Variants in AGBL4 observed in about 807,000 individuals in gnomAD.
AGBL4 encodes AGBL carboxypeptidase 4.
AGBL4 carries 58 observed loss-of-function variants against 66.4 expected under a neutral mutation model. That is an observed-to-expected ratio of 0.87 (90% CI 0.71 to 1.09). AGBL4 has a LOEUF of 1.09. AGBL4 is among the 50% of genes least tolerant of loss of function. AGBL4 has a pLI of 0.00. For missense variants in AGBL4, 579 were observed against 631.0 expected, an observed-to-expected ratio of 0.92 and a Z score of 0.88; for synonymous variants, 234 against 222.9, an observed-to-expected ratio of 1.05 and a Z score of -0.44.
intron 3 of AGBL4, among the ~76,000 whole-genome samples, chr1:49,601,313 G>A (rs1045290853): frequency 6.6e-6 from 1 of 151,706 alleles, no homozygotes; most frequent in African/African-American, 2.4e-5. Flanking sequence ...TTTCTTGGAG[G>A]CTTTGTTCAT....
At chr1:48,937,123 C>T (rs925557595) in intron 5 of AGBL4, among the ~76,000 whole-genome samples, 3 of 152,192 alleles carry the variant, frequency 2.0e-5, no homozygotes, top group African/African-American at 7.2e-5. Context: ...AGACATAGTA[C>T]TTGAATCTAA....
intron 8 of AGBL4, among the ~76,000 whole-genome samples, chr1:48,641,902 A>T (rs1645762117): frequency 6.6e-6 from 1 of 152,114 alleles, no homozygotes; most frequent in Admixed American, 6.5e-5. Context: ...TAGATGCAAT[A>T]TCTTTATTTT....
At position 49,987,821 on chromosome 1, in the gene AGBL4, T is replaced by C. The variant is rs12037890; in HGVS notation, c.34+35942A>G. Among the ~76,000 whole-genome samples, 1,235 of 152,106 alleles carry C rather than the reference T, an allele frequency of 8.1e-3. 9 individuals carry two copies. The highest frequency in any genetic ancestry group is 0.031 in the Middle Eastern group (9 of 294). On this transcript the variant is annotated intron_variant, in intron 1 of 13. Transcript: ENST00000371839. ...ATTGTGTTTACTGTACTAAGTACTT[T>C]GCAACTATTAACTCACTTAATTGTT...
At chr1:49,302,229 T>C (rs1644757917) in intron 3 of AGBL4, among the ~76,000 whole-genome samples, 2 of 152,040 alleles carry the variant, frequency 1.3e-5, no homozygotes, top group African/African-American at 4.8e-5. Flanking sequence ...TGAACAATTA[T>C]GTTTTTCCTA....
chr1:49,879,355 G>T lies in AGBL4; in HGVS notation c.35-27837C>A, dbSNP rs1647138518. On this transcript the variant is annotated intron_variant, in intron 1 of 13. Coordinates refer to ENST00000371839, the MANE Select transcript of AGBL4 (RefSeq NM_032785.4). Reference sequence around the variant, plus strand: ...TCAGGAGCTCTTTTAGGGCAGGCCTGGTGGTGACAAAATCTCTCAGCATTT... The same window carrying T: ...TCAGGAGCTCTTTTAGGGCAGGCCTTGTGGTGACAAAATCTCTCAGCATTT... Among the ~76,000 whole-genome samples, 8 of 150,708 alleles carry T rather than the reference G, an allele frequency of 5.3e-5. No homozygotes were observed. In the South Asian group the frequency reaches 1.5e-3, roughly 28 times the overall value.
At chr1:49,431,099 T>C (rs968662583) in intron 3 of AGBL4, among the ~76,000 whole-genome samples, 1 of 152,196 alleles carries the variant, frequency 6.6e-6, no homozygotes, top group Non-Finnish European at 1.5e-5. Flanking sequence ...GCTATGGGCA[T>C]GTGTTTTGGT....
At chr1:49,662,434 G>T (rs1646288232) in intron 3 of AGBL4, among the ~76,000 whole-genome samples, 1 of 151,970 alleles carries the variant, frequency 6.6e-6, no homozygotes, top group South Asian at 2.1e-4. Context: ...TTAACACAAT[G>T]ACAAGTAAAT....
chr1:49,196,823 C>T (rs942011875), intron 4 of AGBL4, among the ~76,000 whole-genome samples: 6 of 151,680 alleles, frequency 4.0e-5, no homozygotes, highest in African/African-American at 1.5e-4. Flanking sequence ...CACTCTTTTG[C>T]CCATTGGTTT....
At chr1:49,345,500 AG>A (rs1472208077) in intron 3 of AGBL4, among the ~76,000 whole-genome samples, 1 of 152,108 alleles carries the variant, frequency 6.6e-6, no homozygotes, top group Non-Finnish European at 1.5e-5. Context: ...TAAAATAGAG[AG>A]GAAAAAAAAA....
chr1:49,826,923 T>C (rs79185293), intron 2 of AGBL4, among the ~76,000 whole-genome samples: 3,681 of 152,182 alleles, frequency 0.024, 123 homozygotes, highest in African/African-American at 0.084. Flanking sequence ...GCTGCAGATA[T>C]CATAGGAGAA....
At chr1:48,997,440 T>G (rs1298670536) in intron 5 of AGBL4, among the ~76,000 whole-genome samples, 1 of 152,194 alleles carries the variant, frequency 6.6e-6, no homozygotes, top group Admixed American at 6.5e-5. Flanking sequence ...AAGAATGAGA[T>G]AAAGTCACTA....
chr1:48,932,674 C>G (rs999514028), intron 5 of AGBL4, among the ~76,000 whole-genome samples: 4 of 152,158 alleles, frequency 2.6e-5, no homozygotes, highest in African/African-American at 9.7e-5. Context: ...CTGGGCCAAT[C>G]ATGGCATAGA....
At chr1:49,225,640 G>A (rs1004313198) in intron 4 of AGBL4, among the ~76,000 whole-genome samples, 8 of 152,164 alleles carry the variant, frequency 5.3e-5, no homozygotes, top group Non-Finnish European at 1.0e-4. Flanking sequence ...ACATTGGCAC[G>A]GCTCACAGAA....
intron 3 of AGBL4, among the ~76,000 whole-genome samples, chr1:49,266,526 G>A (rs1053814805): frequency 2.6e-5 from 4 of 151,918 alleles, no homozygotes; most frequent in African/African-American, 9.7e-5. Flanking sequence ...ACAGTTATGG[G>A]TTTCCTACTC....
At chr1:49,121,953 G>A (rs886601476) in intron 4 of AGBL4, among the ~76,000 whole-genome samples, 1 of 152,252 alleles carries the variant, frequency 6.6e-6, no homozygotes, top group Non-Finnish European at 1.5e-5. Flanking sequence ...TCCCCTCACA[G>A]TTTGATCTCA....
At chr1:49,067,312 T>A (rs1644509235) in intron 4 of AGBL4, among the ~76,000 whole-genome samples, 2 of 152,162 alleles carry the variant, frequency 1.3e-5, no homozygotes, top group African/African-American at 4.8e-5. Flanking sequence ...TTTAAGGTAA[T>A]ATCAGATCTT....
chr1:49,520,497 G>C (rs553414216), intron 3 of AGBL4, among the ~76,000 whole-genome samples: 5 of 152,074 alleles, frequency 3.3e-5, no homozygotes, highest in Non-Finnish European at 7.4e-5. Flanking sequence ...AGAAAGCCTA[G>C]AGCTTTCAAA....
At chr1:49,039,982 T>C (rs1271758834) in intron 5 of AGBL4, among the ~76,000 whole-genome samples, 2 of 152,052 alleles carry the variant, frequency 1.3e-5, no homozygotes, top group African/African-American at 2.4e-5. Context: ...AAAAATTTGA[T>C]AAATTGGACT....
At chr1:49,234,895 CT>C (rs1165778306) in intron 4 of AGBL4, among the ~76,000 whole-genome samples, 1 of 152,170 alleles carries the variant, frequency 6.6e-6, no homozygotes, top group Admixed American at 6.5e-5. Context: ...CCCTGACTAG[CT>C]GTAAGACCGT....
Sources: gnomAD v4.1 joint callset for allele counts (sites outside exome capture counted in the v4.1 genomes callset) on GRCh38, gnomAD v4.1.1 for gene constraint, MANE v1.5 for transcripts, NCBI Gene and HGNC (gene_info 2026-07-23, HGNC 2026-07-21) for gene names.